STPG2: variants seen among roughly 807,000 people sequenced by gnomAD.
The protein encoded by STPG2 is sperm tail PG-rich repeat containing 2.
A neutral mutation model predicts 54.2 loss-of-function variants in STPG2; 56 were observed. That is an observed-to-expected ratio of 1.03 (90% CI 0.83 to 1.29). The LOEUF is 1.29. Ranked by LOEUF, STPG2 falls within the 50% of genes most tolerant of loss-of-function variation. STPG2 has a pLI of 0.00. For synonymous variants in STPG2, 200 were observed against 181.8 expected (o/e 1.10, Z -0.81); for missense variants, 596 against 544.9 (o/e 1.09, Z -0.93).
rs1271359837 is a variant in STPG2, at chr4:97,713,826, G to A, written c.1205-1012C>T. Among the ~76,000 whole-genome samples the A allele has an allele frequency of 7.2e-5, 11 of 152,154 alleles. No individual in the cohort carries two copies. In the East Asian group the frequency reaches 2.1e-3, roughly 29 times the overall value. ...AGCTAGTATGACTTCACAGAGAGAAGATAGGGAGACGTAATTTTTTTTCTT... is the reference window on the plus strand; with the variant it reads ...AGCTAGTATGACTTCACAGAGAGAAAATAGGGAGACGTAATTTTTTTTCTT... On this transcript the variant is annotated intron_variant, in intron 9 of 10. Coordinates refer to ENST00000295268, the MANE Select transcript of STPG2 (RefSeq NM_174952.3).
chr4:97,967,526 A>G (rs1204722899), intron 7 of STPG2, among the ~76,000 whole-genome samples: 1 of 151,998 alleles, frequency 6.6e-6, no homozygotes, highest in Non-Finnish European at 1.5e-5. Flanking sequence ...CATCTACAGA[A>G]CTCTCCACCC....
chr4:97,501,732 T>C (rs1009238137), intron 4 of STPG2, among the ~76,000 whole-genome samples: 1 of 151,202 alleles, frequency 6.6e-6, no homozygotes, highest in Non-Finnish European at 1.5e-5. Flanking sequence ...TAACATTATA[T>C]ACAAAATAAG....
intron 5 of STPG2, among the ~76,000 whole-genome samples, chr4:98,100,528 T>A (rs1230724746): frequency 2.0e-5 from 3 of 152,172 alleles, no homozygotes; most frequent in Non-Finnish European, 2.9e-5. Flanking sequence ...TTACTACCTA[T>A]AACTCATTTT....
rs541381513 is a variant in STPG2, at chr4:97,573,893, C to T, written c.1321-14776G>A. On this transcript the variant is annotated intron_variant, in intron 10 of 10. Coordinates refer to ENST00000295268, the MANE Select transcript of STPG2 (RefSeq NM_174952.3). Reference sequence around the variant, plus strand: ...ATTAAAAGCTGATAGAGCCAGTGCCCTTATACAAAGCCTGGAATGTAACAA... The same window carrying T: ...ATTAAAAGCTGATAGAGCCAGTGCCTTTATACAAAGCCTGGAATGTAACAA... Among the ~76,000 whole-genome samples, 4 of 152,118 alleles carry T rather than the reference C, an allele frequency of 2.6e-5. 1 individual carries two copies. The East Asian group carries it at 7.7e-4, about 29-fold the overall frequency.
At chr4:97,475,467 T>TTATATATAATACATATATAATATATGC (rs1560624330) in intron 4 of STPG2, among the ~76,000 whole-genome samples, 1 of 149,222 alleles carries the variant, frequency 6.7e-6, no homozygotes, top group Non-Finnish European at 1.5e-5. Context: ...TGTATATATG[T>TTATATATAATACATATATAATATATGC]TATATATAAT....
At chr4:97,607,159 G>A (rs1444110973) in intron 10 of STPG2, among the ~76,000 whole-genome samples, 2 of 151,866 alleles carry the variant, frequency 1.3e-5, no homozygotes, top group Non-Finnish European at 1.5e-5. Context: ...TTGTATTACT[G>A]CAATAATAGC....
intron 9 of STPG2, among the ~76,000 whole-genome samples, chr4:97,755,802 T>G (rs1026512939): frequency 1.3e-5 from 2 of 152,216 alleles, no homozygotes; most frequent in Non-Finnish European, 1.5e-5. Flanking sequence ...TCATGTTATT[T>G]TATGGGTTCC....
intron 10 of STPG2, among the ~76,000 whole-genome samples, chr4:97,679,866 C>A (rs1416893592): frequency 6.6e-6 from 1 of 151,900 alleles, no homozygotes; most frequent in African/African-American, 2.4e-5. Context: ...TTTCCCATCA[C>A]CATTTATTAA....
intron 4 of STPG2, among the ~76,000 whole-genome samples, chr4:97,546,583 A>G (rs114389388): frequency 0.018 from 2,791 of 152,260 alleles, 77 homozygotes; most frequent in African/African-American, 0.064. Context: ...AATAGAGTAG[A>G]AAAAGAAAAT....
chr4:97,731,902 CT>C (rs1724807649), intron 9 of STPG2, among the ~76,000 whole-genome samples: 1 of 152,182 alleles, frequency 6.6e-6, no homozygotes, highest in Non-Finnish European at 1.5e-5. Flanking sequence ...CCTCTGGTCC[CT>C]TTGTCCTTTG....
intron 9 of STPG2, among the ~76,000 whole-genome samples, chr4:97,808,483 A>C (rs1459412712): frequency 1.3e-5 from 2 of 151,904 alleles, no homozygotes; most frequent in African/African-American, 4.8e-5. Context: ...GCTAATATAA[A>C]AATATTTTAA....
intron 1 of STPG2, among the ~76,000 whole-genome samples, chr4:98,137,295 A>T (rs946967153): frequency 1.3e-5 from 2 of 151,788 alleles, no homozygotes; most frequent in Non-Finnish European, 3.0e-5. Context: ...AGTATTTAAC[A>T]ATTCATAAAG....
At chr4:97,759,734 G>T (rs555455793) in intron 9 of STPG2, among the ~76,000 whole-genome samples, 1 of 152,266 alleles carries the variant, frequency 6.6e-6, no homozygotes, top group Non-Finnish European at 1.5e-5. Context: ...ATACTTGTTT[G>T]CTGGAGTTTC....
chr4:97,757,169 G>A (rs1179511225), intron 9 of STPG2, among the ~76,000 whole-genome samples: 1 of 152,112 alleles, frequency 6.6e-6, no homozygotes, highest in Non-Finnish European at 1.5e-5. Flanking sequence ...TGCCCATGAA[G>A]TTGAAAACTT....
At chr4:97,972,217 C>T in intron 7 of STPG2, 63 bp downstream of exon 7, 1 of 1,122,628 alleles carries the variant, frequency 8.9e-7, no homozygotes, top group Non-Finnish European at 1.2e-6. Context: ...CATGTAATTT[C>T]AAGAGAACCC....
At chr4:97,962,779 C>A (rs1427342752) in intron 7 of STPG2, among the ~76,000 whole-genome samples, 1 of 152,108 alleles carries the variant, frequency 6.6e-6, no homozygotes, top group Non-Finnish European at 1.5e-5. Flanking sequence ...AGTGGCAGAG[C>A]AAAAAAGTAT....
intron 9 of STPG2, among the ~76,000 whole-genome samples, chr4:97,773,540 G>C (rs962933151): frequency 1.3e-5 from 2 of 152,034 alleles, no homozygotes; most frequent in African/African-American, 4.8e-5. Context: ...ACAGACTCAT[G>C]AGCTCAAGTA....
intron 1 of STPG2, among the ~76,000 whole-genome samples, chr4:98,138,701 G>C (rs1289849607): frequency 6.6e-6 from 1 of 151,988 alleles, no homozygotes; most frequent in East Asian, 1.9e-4. Flanking sequence ...ATTCTGATAG[G>C]CAAATAAGAA....
At chr4:97,639,282 G>A (rs1454662073) in intron 10 of STPG2, among the ~76,000 whole-genome samples, 1 of 151,748 alleles carries the variant, frequency 6.6e-6, no homozygotes, top group Non-Finnish European at 1.5e-5. Context: ...CTCATAGGTG[G>A]GAATTGAACA....
Sources: allele counts gnomAD v4.1 joint callset (sites outside exome capture counted in the v4.1 genomes callset), GRCh38; gene constraint gnomAD v4.1.1; transcripts MANE v1.5; gene names NCBI Gene and HGNC (gene_info 2026-07-23, HGNC 2026-07-21).